Variants in WDHD1 observed in about 807,000 individuals in gnomAD.
WDHD1 encodes the protein WD repeat and HMG-box DNA binding protein 1, also known as WD repeat and HMG-box DNA-binding protein 1.
Under a neutral mutation model 135.4 loss-of-function variants are expected in WDHD1, and 111 were observed. The ratio of observed to expected loss-of-function variants is 0.82; its 90% CI spans 0.70 to 0.96. The LOEUF is 0.96. Among genes scored for constraint, WDHD1 ranks in the 40% least tolerant of loss-of-function variants. The probability of loss-of-function intolerance (pLI) is 0.00; values close to 1 mark genes in which losing one functional copy is unlikely to be tolerated. For missense variants in WDHD1, 1,351 were observed against 1,336.3 expected (o/e 1.01, Z -0.17); for synonymous variants, 434 against 439.0 (o/e 0.99, Z 0.14).
rs372324112 is a variant in WDHD1, at chr14:54,954,958, T to C, written c.3050+603A>G. Among the ~76,000 whole-genome samples the C allele has an allele frequency of 1.5e-3, 230 of 152,258 alleles. 1 individual carries two copies. The highest frequency in any genetic ancestry group is 5.4e-3 in the African/African-American group (223 of 41,554). On this transcript the variant is annotated intron_variant, in intron 24 of 25. Transcript: ENST00000360586. Reference sequence around the variant, plus strand: ...TGGTCAGGCTGGTCTCGAACTCCCATCCTCAGATGATCCGCCTGCTTCGGC... The same window carrying C: ...TGGTCAGGCTGGTCTCGAACTCCCACCCTCAGATGATCCGCCTGCTTCGGC...
intron 12 of WDHD1, among the ~76,000 whole-genome samples, chr14:54,990,020 A>G (rs1472757921): frequency 6.6e-6 from 1 of 152,194 alleles, no homozygotes; most frequent in Non-Finnish European, 1.5e-5. Context: ...TGTCCATTAT[A>G]GGCTCACACT....
chr14:55,010,107 C>A (rs1400607360), intron 4 of WDHD1, among the ~76,000 whole-genome samples: 2 of 152,220 alleles, frequency 1.3e-5, no homozygotes, highest in African/African-American at 4.8e-5. Flanking sequence ...GCGTGAGCCA[C>A]CACAACCGGC....
At chr14:54,965,278 C>G (rs1328952290) in intron 18 of WDHD1, among the ~76,000 whole-genome samples, 1 of 152,208 alleles carries the variant, frequency 6.6e-6, no homozygotes, top group Non-Finnish European at 1.5e-5. Context: ...CTATACTCCT[C>G]TCCATAAACC....
At position 54,955,598 on chromosome 14, in the gene WDHD1, G is replaced by A. The variant is rs192608328; in HGVS notation, c.3013C>T (p.Pro1005Ser). The change falls in exon 24 of 26, where the codon CCA (proline) becomes TCA (serine). Residue 1005 changes from proline (P) to serine (S), a missense_variant. Coordinates refer to ENST00000360586, the MANE Select transcript of WDHD1 (RefSeq NM_007086.4). ...ENLKNVLSET[P>S]AICPPQNTEN... ...GTGTTTTGAGGAGGACATATAGCTG[G>A]GGTTTCAGATAATACATTTTTAAGA... The A allele has an allele frequency of 6.3e-7, 1 of 1,591,576 alleles. No individual in the cohort carries two copies. The highest frequency in any genetic ancestry group is 2.3e-5 in the East Asian group (1 of 43,160).
chr14:54,950,676 C>CA (rs1240472294), intron 24 of WDHD1, among the ~76,000 whole-genome samples: 10 of 152,192 alleles, frequency 6.6e-5, no homozygotes, highest in African/African-American at 2.4e-4. Flanking sequence ...CTCTCCACCC[C>CA]AAATCAACAG....
chr14:55,023,708 T>C (rs1399371019), intron 2 of WDHD1, among the ~76,000 whole-genome samples: 2 of 152,182 alleles, frequency 1.3e-5, no homozygotes, highest in Non-Finnish European at 2.9e-5. Flanking sequence ...CATACAGTGT[T>C]TTAAGCAGAT....
In WDHD1 at chr14:54,963,141, C is replaced by G. The variant is rs149385991; in HGVS notation, c.2342G>C (p.Cys781Ser). The stretch of plus-strand genomic sequence containing the variant: ...AGTCATTAGATCAGCAAGTTCCACA[C>G]AACGGAATTCTCGCTCCAGTTTACA... ...LSCKLEREFR[C>S]VELADLMTQN... Residue 781 changes from cysteine to serine, a missense_variant, in exon 19 of 26, where the codon TGT becomes TCT. By Grantham distance (112) the Cys-to-Ser change is moderately radical (BLOSUM62 -1). This residue lies in a region of WDHD1 where 1,330 missense variants were observed against 1,296.1 expected (regional missense o/e 1.03). Transcript: ENST00000360586. 8 of 1,501,010 alleles carry G rather than the reference C, an allele frequency of 5.3e-6. No individual in the cohort carries two copies. The highest frequency in any genetic ancestry group is 7.2e-6 in the Non-Finnish European group (8 of 1,107,496). 93.0% of individuals were successfully genotyped at this position (1,501,010 alleles called of 1,614,324 possible). A position where few individuals can be genotyped will look rare whatever the true frequency, so the allele number is the denominator to read the frequency against.
At chr14:54,972,552 A>T in intron 16 of WDHD1, among the ~76,000 whole-genome samples, 1 of 113,558 alleles carries the variant, frequency 8.8e-6, no homozygotes, top group Non-Finnish European at 1.8e-5. Flanking sequence ...CAAGACTGTC[A>T]CAAAAAAAAA....
chr14:55,004,626 T>A (rs916599570), intron 7 of WDHD1, among the ~76,000 whole-genome samples: 1 of 152,216 alleles, frequency 6.6e-6, no homozygotes, highest in Non-Finnish European at 1.5e-5. Context: ...CTAATTTCTA[T>A]ATTTTTAGTA....
In WDHD1 at chr14:54,987,376, C is replaced by G. The variant is rs140237656; in HGVS notation, c.1538G>C (p.Cys513Ser). Residue 513 changes from cysteine to serine, a missense_variant, in exon 14 of 26, where the codon TGC becomes TCC. Around this residue, in one of 2 missense-constraint regions of WDHD1, gnomAD observed 1,330 missense variants for 1,296.1 expected, o/e 1.03. Coordinates refer to ENST00000360586, the MANE Select transcript of WDHD1 (RefSeq NM_007086.4). Reference sequence around the variant, plus strand: ...TGAATCCCAAGAACTAAAGTGCAGGCAGTGAAGCTTGCTAAAAATTAAAAC... The same window carrying G: ...TGAATCCCAAGAACTAAAGTGCAGGGAGTGAAGCTTGCTAAAAATTAAAAC... The part of the protein sequence containing the change: ...STDELASKLH[C>S]LHFSSWDSSK... 6 of 1,611,596 alleles carry G rather than the reference C, an allele frequency of 3.7e-6. No homozygotes were observed. The African/African-American group carries it at 8.0e-5, about 22-fold the overall frequency.
chr14:54,954,007 G>T (rs2041108931), intron 24 of WDHD1, among the ~76,000 whole-genome samples: 1 of 151,682 alleles, frequency 6.6e-6, no homozygotes, highest in Admixed American at 6.6e-5. Context: ...AGCATTAGGA[G>T]ATATACCTAA....
Position 55,002,207 on chromosome 14 carries a change from G to A in WDHD1, c.601-22C>T, listed in dbSNP as rs774745123. 1.1e-5 allele frequency: 16 copies of A among 1,476,346 alleles called. 1 individual carries two copies. The highest frequency in any genetic ancestry group is 5.7e-5 in the African/African-American group (4 of 70,012). 91.5% of individuals were successfully genotyped at this position (1,476,346 alleles called of 1,614,324 possible). Reference sequence around the variant, plus strand: ...GTAACTATTAGAAAAGATAAACAACGTAAACAAAAGTTTACATTAAATTGA... The same window carrying A: ...GTAACTATTAGAAAAGATAAACAACATAAACAAAAGTTTACATTAAATTGA... On this transcript the variant is annotated intron_variant, in intron 7 of 25. Transcript: ENST00000360586.
rs1015649281 is a variant in WDHD1 at position 55,013,684 on chromosome 14, T to C, written c.78-88A>G. 3.7e-5 allele frequency: 36 copies of C among 983,624 alleles called. No individual in the cohort carries two copies. In the African/African-American group the frequency reaches 3.9e-4, roughly 11 times the overall value. 60.9% of individuals were successfully genotyped at this position (983,624 alleles called of 1,614,324 possible). A position where few individuals can be genotyped will look rare whatever the true frequency, so the allele number is the denominator to read the frequency against. On this transcript the variant is annotated intron_variant, in intron 2 of 25. Coordinates refer to ENST00000360586, the MANE Select transcript of WDHD1 (RefSeq NM_007086.4). The stretch of plus-strand genomic sequence containing the variant: ...ACTTTGGGAGTACAAGGTGGGAGGA[T>C]TGCTTGAGGCCAGGAGTTCAAGACT...
In WDHD1 at chr14:54,956,310, A is replaced by G. The variant is rs112227923; in HGVS notation, c.2917-616T>C. ...CTGAGCTTCTGGGGTCTGAGTATAT[A>G]TATTTTTAAAAAGTGATCTGTAAAA... is the stretch of plus-strand genomic sequence containing the variant. On this transcript the variant is annotated intron_variant, in intron 23 of 25. Transcript: ENST00000360586. Among the ~76,000 whole-genome samples the G allele has an allele frequency of 5.4e-3, 817 of 152,146 alleles. 6 individuals carry two copies. Among genetic ancestry groups the G allele is most frequent in the African/African-American group, 0.018 (768 of 41,518 alleles).
At chr14:54,957,911 G>A (rs1268507410) in intron 21 of WDHD1, among the ~76,000 whole-genome samples, 1 of 152,162 alleles carries the variant, frequency 6.6e-6, no homozygotes, top group Non-Finnish European at 1.5e-5. Flanking sequence ...GCTCGTCTGA[G>A]CTAAGGTTAG....
rs1555371808 is a variant in WDHD1, at chr14:55,007,245, AAAAAG to A, written c.600+30_600+34del. ...TCCATCTCTAATAAAAAAAAAAAAA[AAAAAG>A]AAAAGAAAAGAAAAATAAGAATCAC... On this transcript the variant is annotated intron_variant, in intron 7 of 25. Coordinates refer to ENST00000360586, the MANE Select transcript of WDHD1 (RefSeq NM_007086.4). 62 of 1,479,060 alleles carry A rather than the reference AAAAAG, an allele frequency of 4.2e-5. No individual in the cohort carries two copies. In the Middle Eastern group the frequency reaches 1.9e-3, roughly 46 times the overall value. The allele number at this position is 1,479,060 out of a possible 1,614,324, so 91.6% of individuals were successfully genotyped here.
At chr14:54,967,545 G>T (rs2041365042) in intron 16 of WDHD1, 151 bp from the exon 17 acceptor site, 1 of 527,900 alleles carries the variant, frequency 1.9e-6, no homozygotes, top group Non-Finnish European at 3.3e-6. Flanking sequence ...TTTTAAAAAA[G>T]TGTTTTAGGC....
chr14:54,967,420 T>C (rs2041362897), intron 16 of WDHD1, 26 bp from the exon 17 acceptor site: 1 of 1,544,952 alleles, frequency 6.5e-7, no homozygotes, highest in Non-Finnish European at 8.8e-7. Flanking sequence ...AGTTCCATCA[T>C]AAAAATTTAC....
At chr14:54,971,914 C>T (rs761736330) in intron 16 of WDHD1, among the ~76,000 whole-genome samples, 11 of 151,952 alleles carry the variant, frequency 7.2e-5, no homozygotes, top group East Asian at 1.9e-4. Context: ...AGGCTGGGAA[C>T]GGTGGGTCAC....
Sources: gnomAD v4.1 joint callset for allele counts (sites outside exome capture counted in the v4.1 genomes callset) on GRCh38, gnomAD v4.1.1 for gene constraint, gnomAD v4.1.1 regional missense constraint, MANE v1.5 for transcripts, NCBI Gene and HGNC (gene_info 2026-07-23, HGNC 2026-07-21) for gene names.